Variants in WDR81 observed in about 807,000 individuals in gnomAD.
The protein encoded by WDR81 is WD repeat-containing protein 81.
A neutral mutation model predicts 140.8 loss-of-function variants in WDR81; 92 were observed. The observed-to-expected ratio is 0.65, with a 90% CI of 0.55 to 0.78. The LOEUF (loss-of-function observed/expected upper bound fraction) is 0.78. WDR81 is among the 30% of genes least tolerant of loss of function. WDR81 has a pLI of 0.00. For missense variants in WDR81, 2,502 were observed against 2,636.4 expected, an observed-to-expected ratio of 0.95 and a Z score of 1.12; for synonymous variants, 1,183 against 1,156.4, an observed-to-expected ratio of 1.02 and a Z score of -0.47.
rs2151179765 is a variant in WDR81 at position 1,737,998 on chromosome 17, A to G, written c.*313A>G. 2.2e-6 allele frequency: 1 copy of G among 457,170 alleles called. No individual in the cohort carries two copies. The highest frequency in any genetic ancestry group is 2.5e-5 in the South Asian group (1 of 39,484). The allele number at this position is 457,170 out of a possible 1,614,324, so 28.3% of individuals were successfully genotyped here. A position where few individuals can be genotyped will look rare whatever the true frequency, so the allele number is the denominator to read the frequency against. On this transcript the variant is annotated 3_prime_UTR_variant, in exon 10 of 10. Transcript: ENST00000409644. ...CCCCAGCTCTGCCCTCTGGGTCCACATGAGGACAGGGAAGCTCGGGAAGGG... is the reference window on the plus strand; with the variant it reads ...CCCCAGCTCTGCCCTCTGGGTCCACGTGAGGACAGGGAAGCTCGGGAAGGG...
At position 1,727,024 on chromosome 17, in the gene WDR81, C is replaced by T. The variant is rs1193382864; in HGVS notation, c.2065C>T (p.Leu689Phe). Residue 689 changes from leucine to phenylalanine, a missense_variant, in exon 1 of 10, where the codon CTT becomes TTT. Leu to Phe is a conservative substitution (Grantham distance 22). Transcript: ENST00000409644. ...CTCCTCCAGTCAAGCGTCCCCTGGA[C>T]TTCTCTCTTTCTCAGTGGCCTCAGC... ...LGSSSQASPG[L>F]LSFSVASASR... 2 of 1,550,386 alleles carry T rather than the reference C, an allele frequency of 1.3e-6. No homozygotes were observed. The highest frequency in any genetic ancestry group is 1.7e-6 in the Non-Finnish European group (2 of 1,146,974).
chr17:1,736,740 G>A (rs874424), intron 9 of WDR81, among the ~76,000 whole-genome samples: 34,114 of 152,012 alleles, frequency 0.22, 3,861 homozygotes, highest in South Asian at 0.39. Flanking sequence ...CACAGGCCTC[G>A]GGGAGCTGCT....
Position 1,737,404 on chromosome 17 carries a change from C to T in WDR81, c.5545C>T (p.His1849Tyr), listed in dbSNP as rs1302317133. Residue 1849 changes from histidine (H) to tyrosine (Y), a missense_variant, in exon 10 of 10, where the codon CAT becomes TAT. His to Tyr is a moderately conservative substitution (Grantham distance 83). Coordinates refer to ENST00000409644, the MANE Select transcript of WDR81 (RefSeq NM_001163809.2). ...CGTCCTGGTCAGCTCCTCCTCTGAC[C>T]ATTCCTTGACCGTCTGGAAGGAGCT... ...GSVLVSSSSD[H>Y]SLTVWKELEQ... The T allele has an allele frequency of 6.2e-7, 1 of 1,612,582 alleles. No homozygotes were observed. The highest frequency in any genetic ancestry group is 1.3e-5 in the African/African-American group (1 of 74,908).
chr17:1,736,338 TC>T, intron 9 of WDR81, 120 bp downstream of exon 9: 1 of 1,226,520 alleles, frequency 8.2e-7, no homozygotes, highest in Non-Finnish European at 1.1e-6. Flanking sequence ...ATATACCTGG[TC>T]CAGGACTAAC....
chr17:1,729,406 G>A (rs1199743381), intron 1 of WDR81, among the ~76,000 whole-genome samples: 1 of 152,108 alleles, frequency 6.6e-6, no homozygotes, highest in African/African-American at 2.4e-5. Flanking sequence ...CTTGAACCCA[G>A]GAGGTGGAGG....
At position 1,726,451 on chromosome 17, in the gene WDR81, G is replaced by C. The variant is rs777266380; in HGVS notation, c.1492G>C (p.Asp498His). Residue 498 changes from aspartate to histidine, a missense_variant, in exon 1 of 10, where the codon GAT becomes CAT. By Grantham distance (81) the Asp-to-His change is moderately conservative. Coordinates refer to ENST00000409644, the MANE Select transcript of WDR81 (RefSeq NM_001163809.2). The part of the protein sequence containing the change: ...PDECIPEFYT[D>H]PSIFRSIHPD... ...TGAGTGCATTCCGGAGTTCTACACCGATCCCTCTATCTTCCGCTCCATCCA... is the reference window on the plus strand; with the variant it reads ...TGAGTGCATTCCGGAGTTCTACACCCATCCCTCTATCTTCCGCTCCATCCA... 5 of 1,550,448 alleles carry C rather than the reference G, an allele frequency of 3.2e-6. No homozygotes were observed. The highest frequency in any genetic ancestry group is 4.4e-6 in the Non-Finnish European group (5 of 1,146,996).
rs778468104 is a variant in WDR81 at position 1,737,380 on chromosome 17, G to A, written c.5521G>A (p.Val1841Ile). 73 of 1,610,124 alleles carry A rather than the reference G, an allele frequency of 4.5e-5. No homozygotes were observed. The highest frequency in any genetic ancestry group is 6.6e-5 in the South Asian group (6 of 90,794). The change falls in exon 10 of 10, where the codon GTC becomes ATC. Residue 1841 changes from valine (V) to isoleucine (I), a missense_variant. Physicochemically the swap from Val to Ile is conservative, Grantham distance 29. Coordinates refer to ENST00000409644, the MANE Select transcript of WDR81 (RefSeq NM_001163809.2). ...ILQIKAVEGSVLVSSSSDHSL... is the reference protein window; with the variant it reads ...ILQIKAVEGSILVSSSSDHSL... ...CCCGGGACAGGCGGTGGAGGGCAGC[G>A]TCCTGGTCAGCTCCTCCTCTGACCA...
chr17:1,728,401 C>G lies in WDR81; in HGVS notation c.3442C>G (p.Gln1148Glu). Residue 1148 changes from glutamine to glutamate, a missense_variant, in exon 1 of 10, where the codon CAA becomes GAA. Around this residue, in one of 3 missense-constraint regions of WDR81, gnomAD observed 1,737 missense variants for 1,843.0 expected, o/e 0.94. Coordinates refer to ENST00000409644, the MANE Select transcript of WDR81 (RefSeq NM_001163809.2). ...RSGDSSQDLKQSEGSEEEEEE... is the reference protein window; with the variant it reads ...RSGDSSQDLKESEGSEEEEEE... The stretch of plus-strand genomic sequence containing the variant: ...AGGTGACAGCAGCCAGGACTTGAAG[C>G]AAAGCGAGGGCTCCGAGGAGGAAGA... The G allele has an allele frequency of 1.2e-6, 2 of 1,612,774 alleles. No homozygotes were observed. The highest frequency in any genetic ancestry group is 1.7e-6 in the Non-Finnish European group (2 of 1,179,822).
chr17:1,727,385 G>A lies in WDR81; in HGVS notation c.2426G>A (p.Arg809His), dbSNP rs555450261. 1.9e-5 allele frequency: 30 copies of A among 1,550,152 alleles called. No homozygotes were observed. The highest frequency in any genetic ancestry group is 3.9e-5 in the Admixed American group (2 of 50,998). Residue 809 changes from arginine (R) to histidine (H), a missense_variant, in exon 1 of 10, where the codon CGC (arginine) becomes CAC (histidine). By Grantham distance (29) the Arg-to-His change is conservative. Coordinates refer to ENST00000409644, the MANE Select transcript of WDR81 (RefSeq NM_001163809.2). ...CAGGCTGTCCGAGGGCTCTGCACGC[G>A]CCACCCCAAGGAGGTCCCTGTGTCT... ...RFQAVRGLCT[R>H]HPKEVPVSLQ...
rs1234892844 is a variant in WDR81 at position 1,725,745 on chromosome 17, C to A, written c.786C>A (p.Phe262Leu). The A allele has an allele frequency of 6.4e-7, 1 of 1,550,634 alleles. No individual in the cohort carries two copies. The highest frequency in any genetic ancestry group is 8.7e-7 in the Non-Finnish European group (1 of 1,147,030). Reference sequence around the variant, plus strand: ...CCAACAGCCAGGCCAAGGTGCTGTTCATTCTCTTCCGCGTGCTGAGGGCTA... The same window carrying A: ...CCAACAGCCAGGCCAAGGTGCTGTTAATTCTCTTCCGCGTGCTGAGGGCTA... The part of the protein sequence containing the change: ...KLTNSQAKVL[F>L]ILFRVLRAMD... Residue 262 changes from phenylalanine to leucine, a missense_variant, in exon 1 of 10, where the codon TTC (phenylalanine) becomes TTA (leucine). Phe to Leu is a conservative substitution (Grantham distance 22). Around this residue, in one of 3 missense-constraint regions of WDR81, gnomAD observed 547 missense variants for 513.8 expected, o/e 1.06. Transcript: ENST00000409644.
Position 1,725,183 on chromosome 17 carries a change from C to T in WDR81, c.224C>T (p.Pro75Leu). The T allele has an allele frequency of 1.3e-6, 2 of 1,536,552 alleles. No individual in the cohort carries two copies. Among genetic ancestry groups the T allele is most frequent in the East Asian group, 2.4e-5 (1 of 40,890 alleles). Reference sequence around the variant, plus strand: ...CGCGATCGCCGGCTGCCCCTGGGACCCTGTCCCCGCGCAGAGGGCCTGGGA... The same window carrying T: ...CGCGATCGCCGGCTGCCCCTGGGACTCTGTCCCCGCGCAGAGGGCCTGGGA... ...SLRDRRLPLG[P>L]CPRAEGLGEA... Residue 75 changes from proline (P) to leucine (L), a missense_variant, in exon 1 of 10, where the codon CCC becomes CTC. Coordinates refer to ENST00000409644, the MANE Select transcript of WDR81 (RefSeq NM_001163809.2).
Position 1,735,814 on chromosome 17 carries a change from T to G in WDR81, c.5325+97T>G. 1 of 1,487,882 alleles carries G rather than the reference T, an allele frequency of 6.7e-7. No homozygotes were observed. Among genetic ancestry groups the G allele is most frequent in the Non-Finnish European group, 9.0e-7 (1 of 1,109,554 alleles). The allele number at this position is 1,487,882 out of a possible 1,614,324, so 92.2% of individuals were successfully genotyped here. On this transcript the variant is annotated intron_variant, in intron 8 of 9. Coordinates refer to ENST00000409644, the MANE Select transcript of WDR81 (RefSeq NM_001163809.2). This position sits in a 1 kb window ranked among gnomAD's most constrained non-coding sequence, Gnocchi z 4.2. ...AAAACAGAAAGCCAGGATGTTGTTC[T>G]GGGGCCCTAGTTAGTTTCTCTTTGG... is the stretch of plus-strand genomic sequence containing the variant.
intron 3 of WDR81, 46 bp downstream of exon 3, chr17:1,730,991 C>T (rs1470846648): frequency 1.9e-6 from 3 of 1,605,512 alleles, no homozygotes; most frequent in Non-Finnish European, 2.6e-6. Context: ...GGCTGAGGAC[C>T]TGAGGGCCGG....
At chr17:1,721,998 C>T (rs965967453), upstream of WDR81, among the ~76,000 whole-genome samples, 21 of 152,048 alleles carry the variant, frequency 1.4e-4, no homozygotes, top group Non-Finnish European at 1.0e-4. Flanking sequence ...TGGCACATGA[C>T]TGTAATCCCA....
At position 1,738,361 on chromosome 17, in the gene WDR81, T is replaced by G. The variant is rs1905063093; in HGVS notation, c.*676T>G. On this transcript the variant is annotated 3_prime_UTR_variant, in exon 10 of 10. Transcript: ENST00000409644. The stretch of plus-strand genomic sequence containing the variant: ...CTACCACAGTGTTTGTGCCTTCAGC[T>G]GAGGGGGCAGCCTCTGGGCCCTGAA... 2 of 153,516 alleles carry G rather than the reference T, an allele frequency of 1.3e-5. No homozygotes were observed. The highest frequency in any genetic ancestry group is 4.8e-5 in the African/African-American group (2 of 41,460). 9.5% of individuals were successfully genotyped at this position (153,516 alleles called of 1,614,324 possible).
intron 7 of WDR81, 119 bp downstream of exon 7, chr17:1,734,335 C>T (rs756103573): frequency 1.5e-4 from 179 of 1,229,786 alleles, no homozygotes; most frequent in Middle Eastern, 2.8e-4. Flanking sequence ...CCAGCGAGGC[C>T]GCCTAGGAGA....
At chr17:1,723,814 G>C (rs1915030689), upstream of WDR81, among the ~76,000 whole-genome samples, 1 of 152,084 alleles carries the variant, frequency 6.6e-6, no homozygotes, top group South Asian at 2.1e-4. Context: ...CCGTGAGAGG[G>C]CTGTCAGGAG....
intron 1 of WDR81, among the ~76,000 whole-genome samples, chr17:1,719,364 T>C (rs1166471632): frequency 6.8e-6 from 1 of 147,836 alleles, no homozygotes; most frequent in Admixed American, 6.8e-5. Flanking sequence ...TGGCTAACAC[T>C]GTGAAACCCC....
In WDR81 at chr17:1,737,479, A is replaced by G; in HGVS notation, c.5620A>G (p.Thr1874Ala). ...HYKSASDPIHTFDLYGSEVVT... is the reference protein window; with the variant it reads ...HYKSASDPIHAFDLYGSEVVT... ...CAAGTCAGCATCCGACCCCATCCAC[A>G]CCTTTGACCTGTACGGCAGCGAGGT... Residue 1874 changes from threonine (T) to alanine (A), a missense_variant, in exon 10 of 10, where the codon ACC becomes GCC. Transcript: ENST00000409644. The G allele has an allele frequency of 2.5e-6, 4 of 1,613,132 alleles. No homozygotes were observed. In the South Asian group the frequency reaches 4.4e-5, roughly 18 times the overall value.
Sources: gnomAD v4.1 joint callset for allele counts (sites outside exome capture counted in the v4.1 genomes callset) on GRCh38, gnomAD v4.1.1 for gene constraint, gnomAD v4.1.1 regional missense constraint, Gnocchi (gnomAD v3.1) non-coding constraint, MANE v1.5 for transcripts, NCBI Gene and HGNC (gene_info 2026-07-23, HGNC 2026-07-21) for gene names.